Variants in ENTPD1 observed in about 807,000 individuals in gnomAD.
ENTPD1 encodes the protein ectonucleoside triphosphate diphosphohydrolase 1, also known as ATP diphosphohydrolase.
In ENTPD1, 33 loss-of-function variants were observed where a neutral mutation model predicts 57.0. That is an observed-to-expected ratio of 0.58 (90% CI 0.44 to 0.77). The LOEUF (loss-of-function observed/expected upper bound fraction) is 0.77, where lower values mean the gene tolerates loss of function less well. Among genes scored for constraint, ENTPD1 ranks in the 30% least tolerant of loss-of-function variants. The pLI is 0.00. For missense variants in ENTPD1, 501 were observed against 603.4 expected (o/e 0.83, Z 1.78); for synonymous variants, 202 against 218.8 (o/e 0.92, Z 0.68).
chr10:95,850,309 A>T (rs1038874711), intron 7 of ENTPD1, among the ~76,000 whole-genome samples: 1 of 152,130 alleles, frequency 6.6e-6, no homozygotes, highest in Non-Finnish European at 1.5e-5. Context: ...CGATTTCTGC[A>T]TTGGCAGTTT....
intron 1 of ENTPD1, among the ~76,000 whole-genome samples, chr10:95,765,324 T>G (rs1475213153): frequency 1.3e-5 from 2 of 152,238 alleles, no homozygotes; most frequent in African/African-American, 4.8e-5. Flanking sequence ...GTTTTAGCCC[T>G]TGCATTTAGG....
At chr10:95,758,803 G>A (rs546186529) in intron 1 of ENTPD1, among the ~76,000 whole-genome samples, 5 of 152,312 alleles carry the variant, frequency 3.3e-5, no homozygotes, top group Admixed American at 1.3e-4. Context: ...CAGAAGCCAC[G>A]CAGGAAGTGG....
chr10:95,734,299 C>T (rs2097992201), intron 1 of ENTPD1, among the ~76,000 whole-genome samples: 1 of 152,062 alleles, frequency 6.6e-6, no homozygotes, highest in South Asian at 2.1e-4. Flanking sequence ...GCTCAGAGAG[C>T]CAGAGACTTG....
chr10:95,815,237 C>A (rs560274630), intron 1 of ENTPD1, among the ~76,000 whole-genome samples: 1 of 152,170 alleles, frequency 6.6e-6, no homozygotes, highest in Non-Finnish European at 1.5e-5. Context: ...AAAATTTCTA[C>A]GCATCTCTAA....
At chr10:95,724,585 C>A (rs1013489622) in intron 1 of ENTPD1, among the ~76,000 whole-genome samples, 1 of 152,162 alleles carries the variant, frequency 6.6e-6, no homozygotes, top group African/African-American at 2.4e-5. Context: ...TCAACTAGGA[C>A]GAACCTGGGC....
Position 95,867,102 on chromosome 10 carries a change from A to G in ENTPD1, c.*719A>G, listed in dbSNP as rs1213906725. On this transcript the variant is annotated 3_prime_UTR_variant, in exon 10 of 10. Transcript: ENST00000371205. ...AGCAGATGTAAATATATGCATTCAAACATCAGGGCTTACTATGAGGTAGGT... is the reference window on the plus strand; with the variant it reads ...AGCAGATGTAAATATATGCATTCAAGCATCAGGGCTTACTATGAGGTAGGT... 2 of 986,328 alleles carry G rather than the reference A, an allele frequency of 2.0e-6. No individual in the cohort carries two copies. The highest frequency in any genetic ancestry group is 2.4e-6 in the Non-Finnish European group (2 of 830,652). The allele number at this position is 986,328 out of a possible 1,614,324, so 61.1% of individuals were successfully genotyped here. A position where few individuals can be genotyped will look rare whatever the true frequency, so the allele number is the denominator to read the frequency against.
the ENTPD1 span, among the ~76,000 whole-genome samples, chr10:95,700,106 T>C: frequency 2.2e-4 from 33 of 152,216 alleles, no homozygotes; most frequent in African/African-American, 7.2e-4. Flanking sequence ...ATTGATACAC[T>C]AGTTAATATA....
rs755758507 is a variant in ENTPD1, at chr10:95,866,332, A to ACAGT, written c.1482_1483insCAGT (p.Gly495GlnfsTer29). The ACAGT allele has an allele frequency of 6.2e-7, 1 of 1,614,190 alleles. No individual in the cohort carries two copies. Among genetic ancestry groups the ACAGT allele is most frequent in the Admixed American group, 1.7e-5 (1 of 60,016 alleles). On this transcript the variant is annotated frameshift_variant, in exon 10 of 10. Coordinates refer to ENST00000371205, the MANE Select transcript of ENTPD1 (RefSeq NM_001776.6). LOFTEE classifies it high-confidence loss of function. The stretch of plus-strand genomic sequence containing the variant: ...TGGTCCTTTTCACAGTGGCCATCAT[A>ACAGT]GGCTTGCTTATCTTTCACAAGCCTT...
At chr10:95,782,485 T>C (rs1027494483) in intron 1 of ENTPD1, among the ~76,000 whole-genome samples, 4 of 152,168 alleles carry the variant, frequency 2.6e-5, no homozygotes, top group Non-Finnish European at 4.4e-5. Context: ...CTGGGGCTAG[T>C]AGTTCCAAGA....
chr10:95,727,483 C>G (rs1057230382), intron 1 of ENTPD1, among the ~76,000 whole-genome samples: 2 of 152,126 alleles, frequency 1.3e-5, no homozygotes, highest in African/African-American at 4.8e-5. Flanking sequence ...ATTTATTACC[C>G]ATTTCTTTGT....
upstream of ENTPD1, chr10:95,754,619 A>G (rs933411058): frequency 1.3e-5 from 2 of 152,230 alleles, no homozygotes; most frequent in African/African-American, 4.8e-5. Context: ...AAATCCCATC[A>G]TATCACCAAA....
At chr10:95,703,739 G>GCCACTGCA in the ENTPD1 span, among the ~76,000 whole-genome samples, 5 of 139,564 alleles carry the variant, frequency 3.6e-5, no homozygotes, top group African/African-American at 1.4e-4. Flanking sequence ...CTGAGATCGT[G>GCCACTGCA]CCACTGCACT....
At chr10:95,728,275 T>C (rs1349930325) in intron 1 of ENTPD1, among the ~76,000 whole-genome samples, 1 of 150,788 alleles carries the variant, frequency 6.6e-6, no homozygotes, top group Non-Finnish European at 1.5e-5. Context: ...TTGTATGTCA[T>C]ATGTATTATA....
chr10:95,819,541 A>G (rs939354560), intron 1 of ENTPD1, among the ~76,000 whole-genome samples: 5 of 152,212 alleles, frequency 3.3e-5, no homozygotes, highest in Non-Finnish European at 7.3e-5. Context: ...AAGAATCAAA[A>G]GAACCTTTGC....
intron 1 of ENTPD1, among the ~76,000 whole-genome samples, chr10:95,715,359 A>G (rs2097970343): frequency 6.6e-6 from 1 of 152,030 alleles, no homozygotes; most frequent in African/African-American, 2.4e-5. Context: ...AGTCTATTTC[A>G]TCTTATATTC....
chr10:95,833,458 T>C (rs2098402205), intron 2 of ENTPD1: 1 of 152,218 alleles, frequency 6.6e-6, no homozygotes, highest in African/African-American at 2.4e-5. Context: ...AGAGTCTTAC[T>C]CAAAATTATA....
chr10:95,807,253 G>T (rs2098276928), intron 1 of ENTPD1, among the ~76,000 whole-genome samples: 1 of 152,236 alleles, frequency 6.6e-6, no homozygotes, highest in Admixed American at 6.5e-5. Flanking sequence ...CCACCTTGCG[G>T]TTCAATCTCA....
rs535252608 is a variant in ENTPD1 at position 95,767,124 on chromosome 10, C to A, written c.16+10869C>A. On this transcript the variant is annotated intron_variant, in intron 1 of 9. Coordinates refer to ENST00000371205, the MANE Select transcript of ENTPD1 (RefSeq NM_001776.6). ...ATAAAAGAAAAGCATTCCATCCTGG[C>A]TAACATGGTGAAACCCCATCTCTAC... 8.6e-5 allele frequency among the ~76,000 whole-genome samples: 13 copies of A among 151,666 alleles called. No homozygotes were observed. In the East Asian group the frequency reaches 2.5e-3, roughly 29 times the overall value.
chr10:95,857,244 G>T (rs1171824575), intron 7 of ENTPD1, among the ~76,000 whole-genome samples: 1 of 152,022 alleles, frequency 6.6e-6, no homozygotes, highest in African/African-American at 2.4e-5. Flanking sequence ...CCTACTGAAG[G>T]CTCAATATGT....
Sources: gnomAD v4.1 joint callset for allele counts (sites outside exome capture counted in the v4.1 genomes callset) on GRCh38, gnomAD v4.1.1 for gene constraint, MANE v1.5 for transcripts, NCBI Gene and HGNC (gene_info 2026-07-23, HGNC 2026-07-21) for gene names.